MARCHF8: variants seen among roughly 807,000 people sequenced by gnomAD.
MARCHF8 encodes E3 ubiquitin-protein ligase MARCHF8.
MARCHF8 carries 40 observed loss-of-function variants against 51.6 expected under a neutral mutation model. That is an observed-to-expected ratio of 0.77 (90% CI 0.60 to 1.01). MARCHF8 has a LOEUF of 1.01. Among genes scored for constraint, MARCHF8 ranks in the 50% least tolerant of loss-of-function variants. The pLI, the probability that MARCHF8 is intolerant of heterozygous loss-of-function variation, is 0.00. For missense variants in MARCHF8, 685 were observed against 708.6 expected (o/e 0.97, Z 0.38); for synonymous variants, 263 against 280.3 (o/e 0.94, Z 0.62).
At chr10:45,503,684 A>G (rs2043326001) in intron 2 of MARCHF8, among the ~76,000 whole-genome samples, 1 of 152,152 alleles carries the variant, frequency 6.6e-6, no homozygotes, top group African/African-American at 2.4e-5. Context: ...TACCAAGCAA[A>G]CACAAATAAA....
At position 45,533,081 on chromosome 10, in the gene MARCHF8, T is replaced by C. The variant is rs759482644; in HGVS notation, c.102+29A>G. On this transcript the variant is annotated intron_variant, in intron 2 of 7. Transcript: ENST00000453424. Reference sequence around the variant, plus strand: ...TTTAATAAAAATTTAATAAAAATAATGAAACTAAAAAAGATACTCTCCCAG... The same window carrying C: ...TTTAATAAAAATTTAATAAAAATAACGAAACTAAAAAAGATACTCTCCCAG... 3.2e-6 allele frequency: 5 copies of C among 1,552,216 alleles called. No homozygotes were observed. In the East Asian group the frequency reaches 6.8e-5, roughly 21 times the overall value.
chr10:45,593,074 T>A (rs866954088), intron 1 of MARCHF8, among the ~76,000 whole-genome samples: 4 of 150,610 alleles, frequency 2.7e-5, no homozygotes, highest in African/African-American at 1.0e-4. Context: ...ACTGACTTGC[T>A]TAAGCTTAAG....
chr10:45,510,065 C>A (rs546864719), intron 2 of MARCHF8, among the ~76,000 whole-genome samples: 1 of 152,212 alleles, frequency 6.6e-6, no homozygotes, highest in South Asian at 2.1e-4. Context: ...TAGAGTAGTA[C>A]AGTCTCTCAA....
At chr10:45,548,940 A>T (rs1589168585) in intron 1 of MARCHF8, among the ~76,000 whole-genome samples, 1 of 150,698 alleles carries the variant, frequency 6.6e-6, no homozygotes, top group East Asian at 2.0e-4. Flanking sequence ...GGTTGCAGTG[A>T]CCCAAGATCA....
At chr10:45,549,011 G>GA (rs1208014241) in intron 1 of MARCHF8, among the ~76,000 whole-genome samples, 1 of 147,268 alleles carries the variant, frequency 6.8e-6, no homozygotes, top group Non-Finnish European at 1.5e-5. Context: ...AAAAAAAAAA[G>GA]AAAGAAAAGA....
At chr10:45,498,232 T>C (rs2043210345) in intron 2 of MARCHF8, among the ~76,000 whole-genome samples, 1 of 152,228 alleles carries the variant, frequency 6.6e-6, no homozygotes, top group Admixed American at 6.5e-5. Context: ...TTAAGTATAT[T>C]CACATTGTTG....
chr10:45,555,984 G>A (rs1363051252), intron 1 of MARCHF8, among the ~76,000 whole-genome samples: 2 of 152,062 alleles, frequency 1.3e-5, no homozygotes, highest in African/African-American at 4.8e-5. Context: ...AATGAAAAAG[G>A]AATGATGAAA....
intron 2 of MARCHF8, among the ~76,000 whole-genome samples, chr10:45,503,577 AAC>A (rs2043323470): frequency 1.7e-4 from 26 of 150,826 alleles, no homozygotes; most frequent in African/African-American, 6.3e-4. Flanking sequence ...ATAAAATAAA[AAC>A]TAAAAATAAA....
At chr10:45,594,857 C>G (rs1302294638) in exon 1 of MARCHF8, 1 of 152,338 alleles carries the variant, frequency 6.6e-6, no homozygotes, top group East Asian at 1.9e-4. Context: ...GCACCTCCCC[C>G]AGCGCGTCGC....
intron 2 of MARCHF8, among the ~76,000 whole-genome samples, chr10:45,525,301 T>C (rs967078160): frequency 5.3e-5 from 8 of 152,222 alleles, no homozygotes; most frequent in African/African-American, 1.7e-4. Context: ...TGTTTATAAA[T>C]ATATAAAATA....
At chr10:45,497,795 G>C (rs73285401) in intron 2 of MARCHF8, among the ~76,000 whole-genome samples, 3,735 of 152,206 alleles carry the variant, frequency 0.025, 156 homozygotes, top group African/African-American at 0.084. Context: ...TAGTGCTTAG[G>C]GGGATATTTA....
At chr10:45,550,873 T>C (rs1173614568) in intron 1 of MARCHF8, among the ~76,000 whole-genome samples, 1 of 152,232 alleles carries the variant, frequency 6.6e-6, no homozygotes, top group Non-Finnish European at 1.5e-5. Context: ...AGGTGGACAT[T>C]AGTCACATTA....
In MARCHF8 at chr10:45,458,380, G is replaced by C; in HGVS notation, c.1581C>G (p.Ser527Arg). The C allele has an allele frequency of 6.2e-7, 1 of 1,614,078 alleles. No individual in the cohort carries two copies. The highest frequency in any genetic ancestry group is 8.5e-7 in the Non-Finnish European group (1 of 1,180,010). ...VIYVQNCPET[S>R]KKNIFEKSPL... ...GAGATTTTTCAAAAATATTCTTTTT[G>C]CTTGTTTCTGGACAGTTTTGAACAT... The change falls in exon 8 of 8, where the codon AGC becomes AGG. Residue 527 changes from serine to arginine, a missense_variant. Transcript: ENST00000453424.
intron 1 of MARCHF8, among the ~76,000 whole-genome samples, chr10:45,541,635 T>C (rs187479681): frequency 6.6e-5 from 10 of 151,842 alleles, no homozygotes; most frequent in East Asian, 1.9e-4. Flanking sequence ...ACAAAAACTA[T>C]AGAAGAAAGA....
intron 1 of MARCHF8, among the ~76,000 whole-genome samples, chr10:45,586,072 C>T (rs2044615334): frequency 6.6e-6 from 1 of 152,122 alleles, no homozygotes. Context: ...ACATAATTTA[C>T]ATAAAATAAA....
upstream of MARCHF8, among the ~76,000 whole-genome samples, chr10:45,536,499 C>T (rs953231543): frequency 2.6e-5 from 4 of 151,782 alleles, no homozygotes; most frequent in East Asian, 3.9e-4. Flanking sequence ...AATCCCAGAA[C>T]TTTGGGAGGC....
chr10:45,459,084 C>A (rs963454910), intron 7 of MARCHF8, 36 bp downstream of exon 7: 1 of 1,612,776 alleles, frequency 6.2e-7, no homozygotes. Flanking sequence ...GCTATCCCGG[C>A]CCCCATGCTG....
At chr10:45,525,661 C>T (rs1173723246) in intron 2 of MARCHF8, among the ~76,000 whole-genome samples, 1 of 152,162 alleles carries the variant, frequency 6.6e-6, no homozygotes, top group Non-Finnish European at 1.5e-5. Context: ...CTGATAGTCA[C>T]TATATCAGCC....
upstream of MARCHF8, among the ~76,000 whole-genome samples, chr10:45,539,180 A>G (rs80097695): frequency 0.011 from 1,731 of 152,314 alleles, 20 homozygotes; most frequent in Non-Finnish European, 0.014. Flanking sequence ...AAAACCACTC[A>G]ACTACATGGA....
Sources: allele counts gnomAD v4.1 joint callset (sites outside exome capture counted in the v4.1 genomes callset), GRCh38; gene constraint gnomAD v4.1.1; transcripts MANE v1.5; gene names NCBI Gene and HGNC (gene_info 2026-07-23, HGNC 2026-07-21).